Variants in SCN9A observed in about 807,000 individuals in gnomAD.
The protein encoded by SCN9A is sodium channel protein type 9 subunit alpha.
In SCN9A, 131 loss-of-function variants were observed where a neutral mutation model predicts 187.0. The ratio of observed to expected loss-of-function variants is 0.70; its 90% confidence interval spans 0.61 to 0.81. SCN9A has a LOEUF of 0.81. Among genes scored for constraint, SCN9A ranks in the 30% least tolerant of loss-of-function variants. SCN9A has a pLI of 0.00. For synonymous variants in SCN9A, 809 were observed against 808.6 expected, an observed-to-expected ratio of 1.00 and a Z score of -0.01; for missense variants, 2,252 against 2,396.6, an observed-to-expected ratio of 0.94 and a Z score of 1.26.
chr2:166,365,994 T>C (rs963264409), intron 1 of SCN9A, among the ~76,000 whole-genome samples: 2 of 152,184 alleles, frequency 1.3e-5, no homozygotes, highest in Non-Finnish European at 2.9e-5. Flanking sequence ...GTATAAATGC[T>C]GAGAGGAGTG....
chr2:166,265,122 C>G (rs1696675219), intron 17 of SCN9A, among the ~76,000 whole-genome samples: 1 of 151,908 alleles, frequency 6.6e-6, no homozygotes, highest in Non-Finnish European at 1.5e-5. Context: ...ATGGTTAACT[C>G]TAGTCATCCA....
chr2:166,214,627 G>T (rs1694250708), intron 24 of SCN9A, among the ~76,000 whole-genome samples: 1 of 138,018 alleles, frequency 7.2e-6, no homozygotes, highest in African/African-American at 2.8e-5. Context: ...CCATTCTCCT[G>T]CCTCAGCCTC....
chr2:166,284,099 T>C (rs1436020500), intron 12 of SCN9A, among the ~76,000 whole-genome samples: 1 of 152,232 alleles, frequency 6.6e-6, no homozygotes, highest in African/African-American at 2.4e-5. Context: ...AATTTCTTCA[T>C]AGAAATGGGA....
At chr2:166,358,075 T>C (rs999626577) in intron 1 of SCN9A, among the ~76,000 whole-genome samples, 2 of 136,500 alleles carry the variant, frequency 1.5e-5, no homozygotes, top group African/African-American at 5.8e-5. Flanking sequence ...TATTTATTTA[T>C]TTATTTATTT....
intron 1 of SCN9A, among the ~76,000 whole-genome samples, chr2:166,353,755 C>T (rs1700093112): frequency 6.6e-6 from 1 of 152,138 alleles, no homozygotes; most frequent in Non-Finnish European, 1.5e-5. Flanking sequence ...CTTTGAGCTG[C>T]CAGCAGTCCC....
intron 7 of SCN9A, among the ~76,000 whole-genome samples, chr2:166,295,864 T>C (rs1466428849): frequency 1.3e-5 from 2 of 152,206 alleles, no homozygotes; most frequent in African/African-American, 2.4e-5. Flanking sequence ...GTAGTAAAAG[T>C]TCTCATCAAC....
At chr2:166,374,136 AGACCT>A (rs1700629597) in intron 1 of SCN9A, among the ~76,000 whole-genome samples, 1 of 152,226 alleles carries the variant, frequency 6.6e-6, no homozygotes. Context: ...GCAGAGAGCC[AGACCT>A]GACTCATCTT....
chr2:166,321,676 C>T (rs78454756), intron 1 of SCN9A, among the ~76,000 whole-genome samples: 5 of 151,768 alleles, frequency 3.3e-5, no homozygotes, highest in African/African-American at 9.7e-5. Flanking sequence ...AGATGATAAA[C>T]CAAAAAGGGT....
At chr2:166,255,436 T>G (rs1369983763) in intron 17 of SCN9A, among the ~76,000 whole-genome samples, 1 of 151,038 alleles carries the variant, frequency 6.6e-6, no homozygotes, top group Non-Finnish European at 1.5e-5. Flanking sequence ...AAGATAAACA[T>G]TAACGATGTA....
intron 1 of SCN9A, among the ~76,000 whole-genome samples, chr2:166,328,301 T>C (rs1238039417): frequency 6.6e-6 from 1 of 152,138 alleles, no homozygotes; most frequent in African/African-American, 2.4e-5. Context: ...TCCAGGTTTG[T>C]TACATAGGTA....
chr2:166,272,996 G>A, intron 16 of SCN9A, 121 bp from the exon 17 acceptor site: 1 of 476,364 alleles, frequency 2.1e-6, no homozygotes. Context: ...GAAGATTTCT[G>A]CACCTTTTCA....
rs779610787 is a variant in SCN9A, at chr2:166,284,514, A to C, written c.1913T>G (p.Met638Arg). 6.2e-7 allele frequency: 1 copy of C among 1,614,122 alleles called. No homozygotes were observed. The highest frequency in any genetic ancestry group is 8.5e-7 in the Non-Finnish European group (1 of 1,180,000). ...TGGCAGAAGCTGTCCATTGGGGAGCATGAGGGCTGAGCGTCCATCAACCAG... is the reference window on the plus strand; with the variant it reads ...TGGCAGAAGCTGTCCATTGGGGAGCCTGAGGGCTGAGCGTCCATCAACCAG... ...VSLVDGRSAL[M>R]LPNGQLLPEV... The change falls in exon 12 of 27, where the codon ATG becomes AGG. Residue 638 changes from methionine to arginine, a missense_variant. Physicochemically the swap from Met to Arg is moderately conservative, Grantham distance 91. Around this residue, in one of 7 missense-constraint regions of SCN9A, gnomAD observed 1,013 missense variants for 997.4 expected, o/e 1.02. Coordinates refer to ENST00000642356, the MANE Select transcript of SCN9A (RefSeq NM_001365536.1).
In SCN9A at chr2:166,311,544, C is replaced by A. The variant is rs200240989; in HGVS notation, c.213G>T (p.Val71=). 3.7e-6 allele frequency: 6 copies of A among 1,612,576 alleles called. No individual in the cohort carries two copies. The highest frequency in any genetic ancestry group is 5.1e-6 in the Non-Finnish European group (6 of 1,179,376). The change falls in exon 2 of 27, where the codon GTG becomes GTT. Residue 71 remains valine, a synonymous_variant. Transcript: ENST00000642356. ...GGTCCAAGTCCTCCAGGGGCTCTGA[C>A]ACCATGCCGGGAGGAATGTCCCCAT... The part of the protein sequence containing the change: ...FIYGDIPPGM[V]SEPLEDLDPY...
intron 1 of SCN9A, among the ~76,000 whole-genome samples, chr2:166,371,373 C>A (rs561574977): frequency 6.6e-6 from 1 of 152,298 alleles, no homozygotes; most frequent in East Asian, 1.9e-4. Flanking sequence ...TTTATCATGG[C>A]CTGGCATTTT....
intron 2 of SCN9A, among the ~76,000 whole-genome samples, chr2:166,310,962 T>C (rs1419679172): frequency 2.1e-5 from 2 of 97,176 alleles, no homozygotes; most frequent in South Asian, 3.1e-4. Flanking sequence ...ATGGATGCAA[T>C]TGGAAATCAT....
intron 1 of SCN9A, among the ~76,000 whole-genome samples, chr2:166,336,939 G>T (rs1262426801): frequency 6.6e-6 from 1 of 152,084 alleles, no homozygotes; most frequent in African/African-American, 2.4e-5. Flanking sequence ...AACAAAGAAA[G>T]TGGAGAGAAA....
intron 17 of SCN9A, among the ~76,000 whole-genome samples, chr2:166,268,815 G>A (rs181786669): frequency 5.1e-4 from 76 of 149,126 alleles, no homozygotes; most frequent in Middle Eastern, 3.4e-3. Context: ...TTTGAGATAC[G>A]TCATGGAAAA....
chr2:166,301,119 T>C (rs1698538273), intron 7 of SCN9A: 1 of 126,536 alleles, frequency 7.9e-6, no homozygotes, highest in South Asian at 2.6e-4. Flanking sequence ...TTTCTTCTTT[T>C]TTTGTATTAT....
chr2:166,342,512 A>C (rs905552614), intron 1 of SCN9A, among the ~76,000 whole-genome samples: 3 of 152,180 alleles, frequency 2.0e-5, no homozygotes, highest in African/African-American at 7.2e-5. Flanking sequence ...TGTTTTTTAA[A>C]GATTAAACCA....
Sources: gnomAD v4.1 joint callset for allele counts (sites outside exome capture counted in the v4.1 genomes callset) on GRCh38, gnomAD v4.1.1 for gene constraint, gnomAD v4.1.1 regional missense constraint, MANE v1.5 for transcripts, NCBI Gene and HGNC (gene_info 2026-07-23, HGNC 2026-07-21) for gene names.